CDH4: variants seen among roughly 807,000 people sequenced by gnomAD.
The protein encoded by CDH4 is cadherin-4.
A neutral mutation model predicts 86.0 loss-of-function variants in CDH4; 33 were observed. The ratio of observed to expected loss-of-function variants is 0.38; its 90% CI spans 0.29 to 0.51. CDH4 has a LOEUF of 0.51. CDH4 is among the 20% of genes least tolerant of loss of function. The pLI is 0.86. For missense variants in CDH4, 1,114 were observed against 1,307.4 expected, an observed-to-expected ratio of 0.85 and a Z score of 2.28; for synonymous variants, 555 against 549.4, an observed-to-expected ratio of 1.01 and a Z score of -0.14.
chr20:61,931,524 C>CCTCCGGGCTCACCCT, intron 13 of CDH4, among the ~76,000 whole-genome samples: 1 of 152,216 alleles, frequency 6.6e-6, no homozygotes, highest in Non-Finnish European at 1.5e-5. Context: ...GCCCCTCTCG[C>CCTCCGGGCTCACCCT]CTCCGGGCTC....
At chr20:61,933,563 GCAAGT>G (rs1362064159) in intron 14 of CDH4, among the ~76,000 whole-genome samples, 1 of 152,220 alleles carries the variant, frequency 6.6e-6, no homozygotes, top group African/African-American at 2.4e-5. Context: ...GGGAATCGGG[GCAAGT>G]CAAGTCCTTA....
At position 61,501,157 on chromosome 20, in the gene CDH4, GCT is replaced by G. The variant is rs1237337105; in HGVS notation, c.170-242403_170-242402del. Reference sequence around the variant, plus strand: ...CCCAAAACAGGCCACATCCGCTCCTGCTCTGAGCTACAATAGACTCAGGCTGG... The same window carrying G: ...CCCAAAACAGGCCACATCCGCTCCTGCTGAGCTACAATAGACTCAGGCTGG... On this transcript the variant is annotated intron_variant, in intron 2 of 15. Coordinates refer to ENST00000614565, the MANE Select transcript of CDH4 (RefSeq NM_001794.5). The surrounding 1 kb of genome is among the most constrained non-coding windows in gnomAD (Gnocchi z 4.2). 1.3e-5 allele frequency among the ~76,000 whole-genome samples: 2 copies of G among 152,182 alleles called. No homozygotes were observed. The highest frequency in any genetic ancestry group is 1.3e-4 in the Admixed American group (2 of 15,284).
chr20:61,536,845 G>C (rs986772256), intron 2 of CDH4, among the ~76,000 whole-genome samples: 1 of 152,200 alleles, frequency 6.6e-6, no homozygotes, highest in African/African-American at 2.4e-5. Context: ...GCACAGCAGA[G>C]AGCTGGCCAG....
In CDH4 at chr20:61,518,452, G is replaced by A. The variant is rs142996224; in HGVS notation, c.170-225111G>A. Reference sequence around the variant, plus strand: ...GTCATCCACTCATCATCCATCATCCGTCATCCACCCATCGTCCATCCATCC... The same window carrying A: ...GTCATCCACTCATCATCCATCATCCATCATCCACCCATCGTCCATCCATCC... On this transcript the variant is annotated intron_variant, in intron 2 of 15. Transcript: ENST00000614565. The surrounding 1 kb of genome is among the most constrained non-coding windows in gnomAD (Gnocchi z 6.3). Among the ~76,000 whole-genome samples, 53 of 151,848 alleles carry A rather than the reference G, an allele frequency of 3.5e-4. No homozygotes were observed. The highest frequency in any genetic ancestry group is 6.3e-4 in the South Asian group (3 of 4,800).
At chr20:61,299,633 T>C (rs2123201677) in intron 2 of CDH4, among the ~76,000 whole-genome samples, 2 of 152,282 alleles carry the variant, frequency 1.3e-5, no homozygotes, top group South Asian at 4.1e-4. Context: ...GCCTTGTGGA[T>C]GGAGGAGCTG....
intron 2 of CDH4, among the ~76,000 whole-genome samples, chr20:61,595,733 G>A (rs181527232): frequency 6.6e-6 from 1 of 152,326 alleles, no homozygotes; most frequent in Admixed American, 6.5e-5. Flanking sequence ...TAAGCAGCGT[G>A]GTGTGTTGTT....
intron 2 of CDH4, among the ~76,000 whole-genome samples, chr20:61,579,167 A>C (rs905417283): frequency 6.6e-6 from 1 of 151,432 alleles, no homozygotes; most frequent in Non-Finnish European, 1.5e-5. Context: ...AGGTACTCAC[A>C]CTCTCACAAT....
At chr20:61,859,881 G>A (rs900989915) in intron 6 of CDH4, among the ~76,000 whole-genome samples, 7 of 152,264 alleles carry the variant, frequency 4.6e-5, no homozygotes, top group African/African-American at 1.7e-4. Flanking sequence ...GTGGGAACAT[G>A]CACACAGCAC....
At chr20:61,411,791 C>G (rs540355359) in intron 2 of CDH4, among the ~76,000 whole-genome samples, 1 of 152,172 alleles carries the variant, frequency 6.6e-6, no homozygotes, top group East Asian at 1.9e-4. Context: ...GTGGGCCGAT[C>G]AGAGTGGGCA....
At chr20:61,667,187 AG>A (rs34823951) in intron 2 of CDH4, among the ~76,000 whole-genome samples, 12,124 of 152,330 alleles carry the variant, frequency 0.08, 816 homozygotes, top group African/African-American at 0.18. Flanking sequence ...TGTGGGAGGC[AG>A]GGAGCATGGG....
chr20:61,668,616 C>G (rs1329989493), intron 2 of CDH4, among the ~76,000 whole-genome samples: 4 of 152,164 alleles, frequency 2.6e-5, no homozygotes, highest in Admixed American at 2.6e-4. Context: ...TCCCCCAGCC[C>G]CATGAGAGAA....
chr20:61,522,423 C>T (rs1056740455), intron 2 of CDH4, among the ~76,000 whole-genome samples: 2 of 152,210 alleles, frequency 1.3e-5, no homozygotes, highest in Non-Finnish European at 2.9e-5. Flanking sequence ...TGAGGTGCTG[C>T]GCCGTCCCTG....
intron 2 of CDH4, among the ~76,000 whole-genome samples, chr20:61,515,296 C>T (rs1464189412): frequency 3.3e-5 from 5 of 152,348 alleles, no homozygotes; most frequent in South Asian, 4.1e-4. Flanking sequence ...GGTGAGCATA[C>T]AGCAGGAACC....
chr20:61,706,253 A>G (rs1231060590), intron 2 of CDH4, among the ~76,000 whole-genome samples: 1 of 151,870 alleles, frequency 6.6e-6, no homozygotes, highest in Non-Finnish European at 1.5e-5. Flanking sequence ...GCTTTCCCCT[A>G]AGCGACTTGG....
intron 2 of CDH4, among the ~76,000 whole-genome samples, chr20:61,611,727 G>A (rs927516416): frequency 5.3e-5 from 8 of 152,266 alleles, no homozygotes; most frequent in South Asian, 4.1e-4. Context: ...TAGCCAAGCC[G>A]CTTGGGGGAC....
intron 3 of CDH4, among the ~76,000 whole-genome samples, chr20:61,751,263 G>A (rs552411929): frequency 6.6e-6 from 1 of 152,258 alleles, no homozygotes; most frequent in Non-Finnish European, 1.5e-5. Flanking sequence ...CCCACTAAAC[G>A]CCAGGTAAAG....
At chr20:61,886,078 AC>A (rs1476175756) in intron 7 of CDH4, among the ~76,000 whole-genome samples, 1 of 151,846 alleles carries the variant, frequency 6.6e-6, no homozygotes, top group Non-Finnish European at 1.5e-5. Flanking sequence ...CTCCTTTTAT[AC>A]CCCCATATGT....
chr20:61,458,810 G>A (rs1467337624), intron 2 of CDH4, among the ~76,000 whole-genome samples: 1 of 151,998 alleles, frequency 6.6e-6, no homozygotes, highest in African/African-American at 2.4e-5. Context: ...GTGGCAATGA[G>A]TGAAGCCCTG....
Position 61,643,282 on chromosome 20 carries a change from C to G in CDH4, c.170-100281C>G, listed in dbSNP as rs139019499. On this transcript the variant is annotated intron_variant, in intron 2 of 15. Transcript: ENST00000614565. ...GTAACGACCCCACCCCTGTGATAAC[C>G]TATTAGTCTGTTAATCCACGAATGG... Among the ~76,000 whole-genome samples, 343 of 152,292 alleles carry G rather than the reference C, an allele frequency of 2.3e-3. 1 individual carries two copies. The highest frequency in any genetic ancestry group is 7.6e-3 in the African/African-American group (316 of 41,550).
Sources: allele counts gnomAD v4.1 joint callset (sites outside exome capture counted in the v4.1 genomes callset), GRCh38; gene constraint gnomAD v4.1.1; non-coding constraint Gnocchi (gnomAD v3.1); transcripts MANE v1.5; gene names NCBI Gene and HGNC (gene_info 2026-07-23, HGNC 2026-07-21).